Variants in HMBOX1 observed in about 807,000 individuals in gnomAD.
The protein encoded by HMBOX1 is homeobox-containing protein 1.
Under a neutral mutation model 54.5 loss-of-function variants are expected in HMBOX1, and 14 were observed. The ratio of observed to expected loss-of-function variants is 0.26; its 90% confidence interval spans 0.17 to 0.40. HMBOX1 has a LOEUF of 0.40. Ranked by LOEUF, HMBOX1 falls within the 10% of genes least tolerant of loss-of-function variation. The pLI is 1.00. For missense variants in HMBOX1, 332 were observed against 514.4 expected (o/e 0.65, Z 3.43); for synonymous variants, 160 against 181.0 (o/e 0.88, Z 0.93).
rs35840505 is a variant in HMBOX1, at chr8:28,924,112, GT to G, written c.-58+33446del. The stretch of plus-strand genomic sequence containing the variant: ...CTTTGGACATAAGTGTTTTTTTTTG[GT>G]TTTTTTTTTTTGAGATGGAGTCTAG... On this transcript the variant is annotated intron_variant, in intron 1 of 9. Transcript: ENST00000287701. 2.6e-4 allele frequency among the ~76,000 whole-genome samples: 37 copies of G among 142,722 alleles called. 1 individual carries two copies. Among genetic ancestry groups the G allele is most frequent in the South Asian group, 4.4e-4 (2 of 4,502 alleles). The allele number at this position is 142,722 out of a possible 152,430, so 93.6% of individuals were successfully genotyped here.
chr8:28,916,900 C>G (rs974324246), intron 1 of HMBOX1, among the ~76,000 whole-genome samples: 1 of 151,940 alleles, frequency 6.6e-6, no homozygotes, highest in Non-Finnish European at 1.5e-5. Flanking sequence ...GAGACTTTGT[C>G]TCTACAAAAT....
chr8:28,939,354 C>T (rs933621251), intron 1 of HMBOX1, among the ~76,000 whole-genome samples: 19 of 151,524 alleles, frequency 1.3e-4, no homozygotes, highest in Non-Finnish European at 2.9e-5. Context: ...GCAGATAATT[C>T]AGCAGCTTTT....
chr8:29,024,140 T>C (rs990786391), intron 6 of HMBOX1, among the ~76,000 whole-genome samples: 13 of 152,164 alleles, frequency 8.5e-5, no homozygotes, highest in African/African-American at 3.1e-4. Context: ...CCCTCACAAA[T>C]GTGTGGCAGC....
intron 1 of HMBOX1, among the ~76,000 whole-genome samples, chr8:28,956,352 C>T (rs922596281): frequency 1.3e-5 from 2 of 150,938 alleles, no homozygotes; most frequent in South Asian, 2.1e-4. Flanking sequence ...AAATTTTTAA[C>T]GTTTTGTTTA....
intron 1 of HMBOX1, among the ~76,000 whole-genome samples, chr8:28,893,070 C>T (rs1811359310): frequency 6.6e-6 from 1 of 152,124 alleles, no homozygotes; most frequent in Non-Finnish European, 1.5e-5. Flanking sequence ...ACCCTTACCT[C>T]AAAATTTCTT....
At chr8:29,018,971 GGATA>G in intron 6 of HMBOX1, 58 bp downstream of exon 6, 4 of 1,504,102 alleles carry the variant, frequency 2.7e-6, no homozygotes, top group Non-Finnish European at 3.7e-6. Flanking sequence ...CATCAACTCT[GGATA>G]GACTGGGACA....
chr8:28,952,166 A>AG (rs1231152523), intron 1 of HMBOX1, among the ~76,000 whole-genome samples: 1 of 151,400 alleles, frequency 6.6e-6, no homozygotes, highest in Non-Finnish European at 1.5e-5. Context: ...CTTAAAAAAA[A>AG]AAAAAAAAAG....
intron 2 of HMBOX1, among the ~76,000 whole-genome samples, chr8:28,966,226 A>T (rs1826414454): frequency 6.6e-6 from 1 of 152,240 alleles, no homozygotes; most frequent in African/African-American, 2.4e-5. Context: ...TCAAGTCAGG[A>T]TAAAATGTAT....
At chr8:29,041,171 T>C (rs1214180620) in intron 6 of HMBOX1, among the ~76,000 whole-genome samples, 1 of 152,188 alleles carries the variant, frequency 6.6e-6, no homozygotes, top group Admixed American at 6.5e-5. Context: ...AGGCAGAATG[T>C]CATTTTTTTT....
chr8:28,915,525 C>G (rs1228860491), intron 1 of HMBOX1: 7 of 147,084 alleles, frequency 4.8e-5, no homozygotes, highest in Non-Finnish European at 3.0e-5. Context: ...CCACTGCACT[C>G]CAGCCTGGGT....
At chr8:28,940,342 G>A (rs970900817) in intron 1 of HMBOX1, among the ~76,000 whole-genome samples, 8 of 152,232 alleles carry the variant, frequency 5.3e-5, no homozygotes, top group African/African-American at 1.7e-4. Context: ...TAGTTAATGA[G>A]CTTTATCATT....
chr8:28,908,342 CT>C, intron 1 of HMBOX1, among the ~76,000 whole-genome samples: 1 of 152,206 alleles, frequency 6.6e-6, no homozygotes, highest in East Asian at 1.9e-4. Flanking sequence ...TTCAAACCTA[CT>C]TTTTTAAGGG....
At chr8:29,036,671 A>G (rs1182987705) in intron 6 of HMBOX1, among the ~76,000 whole-genome samples, 3 of 152,208 alleles carry the variant, frequency 2.0e-5, no homozygotes, top group Non-Finnish European at 4.4e-5. Context: ...AACTTGGTCT[A>G]GGTGATTCAT....
intron 1 of HMBOX1, among the ~76,000 whole-genome samples, chr8:28,928,549 C>A (rs1818945152): frequency 6.6e-6 from 1 of 152,152 alleles, no homozygotes; most frequent in Non-Finnish European, 1.5e-5. Flanking sequence ...AAGTCACTAT[C>A]CATGCACTCT....
At chr8:28,914,875 G>T (rs1308617718) in intron 1 of HMBOX1, among the ~76,000 whole-genome samples, 1 of 152,196 alleles carries the variant, frequency 6.6e-6, no homozygotes, top group African/African-American at 2.4e-5. Context: ...TATGCAAATA[G>T]AGTGAAAGAA....
intron 6 of HMBOX1, among the ~76,000 whole-genome samples, chr8:29,035,007 A>G (rs891194535): frequency 1.3e-5 from 2 of 152,236 alleles, no homozygotes; most frequent in African/African-American, 4.8e-5. Context: ...ACCCATGTGT[A>G]CAAAGTATTG....
chr8:29,007,124 A>T (rs1365418790), intron 4 of HMBOX1, among the ~76,000 whole-genome samples: 1 of 151,904 alleles, frequency 6.6e-6, no homozygotes, highest in African/African-American at 2.4e-5. Context: ...CCCCATCCCT[A>T]CTAAAAATAC....
At chr8:29,030,501 G>A (rs562886570) in intron 6 of HMBOX1, among the ~76,000 whole-genome samples, 1 of 152,282 alleles carries the variant, frequency 6.6e-6, no homozygotes, top group African/African-American at 2.4e-5. Flanking sequence ...TTACAGGTGT[G>A]AGCCACAACG....
At chr8:28,958,707 T>TG (rs1156711619) in intron 1 of HMBOX1, among the ~76,000 whole-genome samples, 1 of 152,224 alleles carries the variant, frequency 6.6e-6, no homozygotes, top group East Asian at 1.9e-4. Context: ...CATGCAATCT[T>TG]AATTTTATTT....
Sources: allele counts gnomAD v4.1 joint callset (sites outside exome capture counted in the v4.1 genomes callset), GRCh38; gene constraint gnomAD v4.1.1; transcripts MANE v1.5; gene names NCBI Gene and HGNC (gene_info 2026-07-23, HGNC 2026-07-21).